ILKAP: variants seen among roughly 807,000 people sequenced by gnomAD.
ILKAP encodes ILK associated serine/threonine phosphatase.
A neutral mutation model predicts 49.1 loss-of-function variants in ILKAP; 11 were observed. The observed-to-expected ratio is 0.22, with a 90% confidence interval of 0.14 to 0.37. The LOEUF (loss-of-function observed/expected upper bound fraction) is 0.37. Ranked by LOEUF, ILKAP falls within the 10% of genes least tolerant of loss-of-function variation. The pLI, the probability that ILKAP is intolerant of heterozygous loss-of-function variation, is 1.00. For synonymous variants in ILKAP, 186 were observed against 192.8 expected (o/e 0.96, Z 0.29); for missense variants, 363 against 510.8 (o/e 0.71, Z 2.79).
At chr2:238,171,175 T>C in intron 10 of ILKAP, 151 bp from the exon 11 acceptor site, 1 of 572,646 alleles carries the variant, frequency 1.7e-6, no homozygotes. Flanking sequence ...TTTTTTTTTT[T>C]TGAGATGGAG....
intron 1 of ILKAP, among the ~76,000 whole-genome samples, chr2:238,196,758 C>T (rs1694361958): frequency 2.0e-5 from 3 of 152,182 alleles, no homozygotes; most frequent in African/African-American, 7.2e-5. Flanking sequence ...AACTATTTTG[C>T]TTTATATCCC....
chr2:238,189,912 T>C lies in ILKAP; in HGVS notation c.239A>G (p.Lys80Arg). The C allele has an allele frequency of 1.2e-6, 2 of 1,614,108 alleles. No homozygotes were observed. Among genetic ancestry groups the C allele is most frequent in the Non-Finnish European group, 1.7e-6 (2 of 1,179,940 alleles). Reference protein sequence around the residue: ...VKTEGKGAKRKTSEEEKNGSE... With the variant: ...VKTEGKGAKRRTSEEEKNGSE... ...GCCATTCTTCTCTTCCTCGGAGGTT[T>C]TTCTCTTTGCTCCTTTCCCTTCAGT... is the stretch of plus-strand genomic sequence containing the variant. Residue 80 changes from lysine (K) to arginine (R), a missense_variant, in exon 4 of 12, where the codon AAA becomes AGA. Around this residue, in one of 3 missense-constraint regions of ILKAP, gnomAD observed 114 missense variants for 116.0 expected, o/e 0.98. Transcript: ENST00000254654.
At chr2:238,202,070 T>A (rs191638859) in intron 1 of ILKAP, among the ~76,000 whole-genome samples, 88 of 152,100 alleles carry the variant, frequency 5.8e-4, no homozygotes, top group Middle Eastern at 3.4e-3. Context: ...ACTAAAAATA[T>A]AAAAATTAGC....
At chr2:238,184,900 A>G (rs1248262570) in intron 6 of ILKAP, among the ~76,000 whole-genome samples, 1 of 152,128 alleles carries the variant, frequency 6.6e-6, no homozygotes, top group African/African-American at 2.4e-5. Context: ...TGCTATTTGA[A>G]GTTGGTTTAC....
intron 9 of ILKAP, 49 bp downstream of exon 9, chr2:238,182,016 A>G: frequency 6.2e-7 from 1 of 1,606,304 alleles, no homozygotes; most frequent in Non-Finnish European, 8.5e-7. Flanking sequence ...GGACCCTTCT[A>G]CAGCTAACAG....
chr2:238,189,809 A>C (rs781290845), intron 4 of ILKAP, 44 bp downstream of exon 4: 1 of 1,590,808 alleles, frequency 6.3e-7, no homozygotes, highest in African/African-American at 1.3e-5. Flanking sequence ...GGGTTGTTTT[A>C]AAATATGAAG....
intron 11 of ILKAP, 42 bp downstream of exon 11, chr2:238,170,901 A>G (rs2278737): frequency 0.17 from 258,617 of 1,560,492 alleles, 23,275 homozygotes; most frequent in Middle Eastern, 0.19. Context: ...GAAAACTAAG[A>G]CACAATTGGG....
intron 10 of ILKAP, among the ~76,000 whole-genome samples, chr2:238,172,935 T>C (rs1693290644): frequency 6.6e-6 from 1 of 152,156 alleles, no homozygotes; most frequent in Non-Finnish European, 1.5e-5. Context: ...TCTTTAACCA[T>C]CACCTGTTGA....
At chr2:238,186,178 G>T (rs1006851881) in intron 5 of ILKAP, 1 of 152,168 alleles carries the variant, frequency 6.6e-6, no homozygotes, top group African/African-American at 2.4e-5. Context: ...CTAACACGGC[G>T]CAGCTTACTA....
rs1464958670 is a variant in ILKAP, at chr2:238,189,936, G to A, written c.215C>T (p.Thr72Ile). The change falls in exon 4 of 12, where the codon ACT (threonine) becomes ATT (isoleucine). Residue 72 changes from threonine to isoleucine, a missense_variant. By Grantham distance (89) the Thr-to-Ile change is moderately conservative (BLOSUM62 -1). Coordinates refer to ENST00000254654, the MANE Select transcript of ILKAP (RefSeq NM_030768.3). ...LATSISQMVK[T>I]EGKGAKRKTS... is the part of the protein sequence containing the mutation. ...TTTTCTCTTTGCTCCTTTCCCTTCA[G>A]TCTTTACCATCTGGGATATTGATGT... is the stretch of plus-strand genomic sequence containing the variant. 2.5e-6 allele frequency: 4 copies of A among 1,613,786 alleles called. No homozygotes were observed. The Admixed American group carries it at 6.7e-5, about 27-fold the overall frequency.
chr2:238,202,901 A>C (rs1050209229), intron 1 of ILKAP, among the ~76,000 whole-genome samples: 1 of 151,894 alleles, frequency 6.6e-6, no homozygotes. Context: ...AAAAAAAAAA[A>C]AACTACTGTT....
intron 4 of ILKAP, 160 bp from the exon 5 acceptor site, chr2:238,188,417 G>A (rs1251178242): frequency 1.2e-6 from 1 of 804,340 alleles, no homozygotes; most frequent in Non-Finnish European, 1.9e-6. Context: ...TCCCCCAGCT[G>A]CAAGTCTATA....
intron 1 of ILKAP, among the ~76,000 whole-genome samples, chr2:238,197,065 G>A (rs145461897): frequency 1.1e-4 from 16 of 152,240 alleles, no homozygotes; most frequent in East Asian, 9.7e-4. Flanking sequence ...GCATGGTGGC[G>A]GGTGCCTGTA....
intron 3 of ILKAP, among the ~76,000 whole-genome samples, chr2:238,192,235 A>G (rs1351145542): frequency 1.3e-5 from 2 of 151,970 alleles, no homozygotes; most frequent in Admixed American, 1.3e-4. Flanking sequence ...AAAAGAAAAA[A>G]AGAAAAATAA....
At chr2:238,174,013 TTGTATCTTAAAGCTCC>T (rs1410410757) in intron 9 of ILKAP, 1 of 207,952 alleles carries the variant, frequency 4.8e-6, no homozygotes, top group African/African-American at 2.3e-5. Flanking sequence ...TGGCAGTGTT[TTGTATCTTAAAGCTCC>T]TTGAGTGTTT....
chr2:238,183,599 CT>C, intron 8 of ILKAP, 53 bp downstream of exon 8: 2 of 1,272,090 alleles, frequency 1.6e-6, no homozygotes, highest in Non-Finnish European at 2.3e-6. Flanking sequence ...GTGCTAAAGT[CT>C]TTTCCCCATA....
intron 1 of ILKAP, among the ~76,000 whole-genome samples, chr2:238,200,821 A>G (rs1043482171): frequency 6.6e-6 from 1 of 152,230 alleles, no homozygotes; most frequent in African/African-American, 2.4e-5. Flanking sequence ...AGGCTGTCTC[A>G]AAAATAATAA....
chr2:238,190,123 G>A, intron 3 of ILKAP, 151 bp from the exon 4 acceptor site: 1 of 690,790 alleles, frequency 1.4e-6, no homozygotes, highest in East Asian at 3.0e-5. Flanking sequence ...GTGTCTTCAT[G>A]GTTGGCGGGG....
At chr2:238,186,522 T>G (rs949069362) in intron 5 of ILKAP, 1 of 152,174 alleles carries the variant, frequency 6.6e-6, no homozygotes, top group Admixed American at 6.5e-5. Flanking sequence ...CATCACTGAC[T>G]TGATGTTGTT....
Sources: gnomAD v4.1 joint callset for allele counts (sites outside exome capture counted in the v4.1 genomes callset) on GRCh38, gnomAD v4.1.1 for gene constraint, gnomAD v4.1.1 regional missense constraint, MANE v1.5 for transcripts, NCBI Gene and HGNC (gene_info 2026-07-23, HGNC 2026-07-21) for gene names.